YPEL2: variants seen among roughly 807,000 people sequenced by gnomAD.
YPEL2 encodes protein yippee-like 2.
A neutral mutation model predicts 19.1 loss-of-function variants in YPEL2; 2 were observed. That is an observed-to-expected ratio of 0.10 (90% CI 0.04 to 0.33). YPEL2 has a LOEUF of 0.33. Among genes scored for constraint, YPEL2 ranks in the 10% least tolerant of loss-of-function variants. YPEL2 has a pLI of 1.00. For synonymous variants in YPEL2, 52 were observed against 50.0 expected (o/e 1.04, Z -0.17); for missense variants, 66 against 140.7 (o/e 0.47, Z 2.68).
intron 4 of YPEL2, among the ~76,000 whole-genome samples, chr17:59,391,603 C>T (rs1313125685): frequency 1.3e-5 from 2 of 151,732 alleles, no homozygotes; most frequent in Non-Finnish European, 2.9e-5. Context: ...TTCAGGATTA[C>T]AAACAAAAAT....
rs1325622071 is a variant in YPEL2, at chr17:59,397,502, G to A, written c.*312G>A. On this transcript the variant is annotated 3_prime_UTR_variant, in exon 5 of 5. Transcript: ENST00000312655. ...CAGCCCACCTTGGTAAGGGCCCCAG[G>A]GCCCATGCGAGAGCTGCCTGATGGC... 2 of 207,632 alleles carry A rather than the reference G, an allele frequency of 9.6e-6. No homozygotes were observed. The highest frequency in any genetic ancestry group is 1.9e-5 in the Non-Finnish European group (2 of 104,452). The allele number at this position is 207,632 out of a possible 1,614,324, so 12.9% of individuals were successfully genotyped here. A position where few individuals can be genotyped will look rare whatever the true frequency, so the allele number is the denominator to read the frequency against.
At chr17:59,365,338 C>T (rs529076974) in intron 2 of YPEL2, among the ~76,000 whole-genome samples, 35 of 152,320 alleles carry the variant, frequency 2.3e-4, no homozygotes, top group African/African-American at 7.7e-4. Context: ...TCCACCACAG[C>T]TTTCTGGGGC....
chr17:59,334,162 T>C (rs1473100178), intron 1 of YPEL2, among the ~76,000 whole-genome samples: 1 of 151,894 alleles, frequency 6.6e-6, no homozygotes, highest in Middle Eastern at 3.4e-3. Flanking sequence ...TGTGTGGGGG[T>C]TGGAGATGTG....
At chr17:59,386,541 T>C (rs1450169608) in intron 2 of YPEL2, among the ~76,000 whole-genome samples, 2 of 152,098 alleles carry the variant, frequency 1.3e-5, no homozygotes, top group Admixed American at 1.3e-4. Flanking sequence ...AGGAATTGCC[T>C]GTGGTTTGGC....
chr17:59,333,319 C>T (rs753237543), intron 1 of YPEL2, among the ~76,000 whole-genome samples: 3 of 152,214 alleles, frequency 2.0e-5, no homozygotes, highest in Admixed American at 6.5e-5. Context: ...GCAGTGGGAG[C>T]CTCATCCGCT....
At position 59,401,362 on chromosome 17, in the gene YPEL2, G is replaced by A. The variant is rs1346305028; in HGVS notation, c.*4172G>A. On this transcript the variant is annotated 3_prime_UTR_variant, in exon 5 of 5. Transcript: ENST00000312655. ...CTGGCAGAAAAGGTAAAGCCTAGAAGAAACTATGAAAGCTATTCTCATGTT... is the reference window on the plus strand; with the variant it reads ...CTGGCAGAAAAGGTAAAGCCTAGAAAAAACTATGAAAGCTATTCTCATGTT... 2 of 152,596 alleles carry A rather than the reference G, an allele frequency of 1.3e-5. No homozygotes were observed. Among genetic ancestry groups the A allele is most frequent in the East Asian group, 3.8e-4 (2 of 5,196 alleles). 9.5% of individuals were successfully genotyped at this position (152,596 alleles called of 1,614,324 possible).
At chr17:59,332,395 G>T (rs1363206885) in intron 1 of YPEL2, among the ~76,000 whole-genome samples, 1 of 152,164 alleles carries the variant, frequency 6.6e-6, no homozygotes, top group Non-Finnish European at 1.5e-5. Flanking sequence ...AACCGCAGCC[G>T]AGTTCCTCCC....
intron 4 of YPEL2, among the ~76,000 whole-genome samples, chr17:59,390,426 G>A (rs1567760774): frequency 1.3e-5 from 2 of 152,296 alleles, no homozygotes; most frequent in East Asian, 3.9e-4. Context: ...ATAGGCGTGA[G>A]CCACACTGTT....
chr17:59,349,358 CT>C (rs58304283), intron 1 of YPEL2, among the ~76,000 whole-genome samples: 1,297 of 119,216 alleles, frequency 0.011, 13 homozygotes, highest in African/African-American at 0.036. Context: ...CCTTTTTTTT[CT>C]TTTTTTTTTT....
chr17:59,351,964 T>G (rs534548410), intron 1 of YPEL2, among the ~76,000 whole-genome samples: 1 of 152,092 alleles, frequency 6.6e-6, no homozygotes, highest in Admixed American at 6.5e-5. Flanking sequence ...AGTGACTGTT[T>G]TGGTGGGAAG....
intron 2 of YPEL2, among the ~76,000 whole-genome samples, chr17:59,380,512 T>G (rs1178496935): frequency 1.3e-5 from 2 of 152,098 alleles, no homozygotes; most frequent in African/African-American, 4.8e-5. Flanking sequence ...TCAAGTGATC[T>G]GCCCTCCTTG....
chr17:59,362,246 G>T (rs1311806848), intron 2 of YPEL2, among the ~76,000 whole-genome samples: 2 of 151,536 alleles, frequency 1.3e-5, no homozygotes, highest in South Asian at 2.1e-4. Flanking sequence ...GCTTGGCAAA[G>T]AAATAGAAGC....
intron 1 of YPEL2, among the ~76,000 whole-genome samples, chr17:59,344,358 G>C (rs1186967075): frequency 6.6e-6 from 1 of 152,196 alleles, no homozygotes; most frequent in Non-Finnish European, 1.5e-5. Flanking sequence ...GGAGATTGAG[G>C]CTCAAACAGA....
At chr17:59,367,618 G>A (rs1427611258) in intron 2 of YPEL2, among the ~76,000 whole-genome samples, 1 of 152,204 alleles carries the variant, frequency 6.6e-6, no homozygotes, top group Non-Finnish European at 1.5e-5. Context: ...TGTGAAATGG[G>A]TGTTGGAGAA....
chr17:59,367,648 A>G (rs1285804254), intron 2 of YPEL2, among the ~76,000 whole-genome samples: 1 of 152,228 alleles, frequency 6.6e-6, no homozygotes, highest in Non-Finnish European at 1.5e-5. Context: ...TGTGATTTCA[A>G]GAGGAATCTC....
chr17:59,395,703 G>A (rs1386182060), intron 4 of YPEL2, among the ~76,000 whole-genome samples: 5 of 152,098 alleles, frequency 3.3e-5, no homozygotes, highest in Admixed American at 3.3e-4. Flanking sequence ...AAGAAAAACC[G>A]ATTGAGAAGG....
chr17:59,396,665 A>C (rs2048040856), intron 4 of YPEL2, among the ~76,000 whole-genome samples: 1 of 152,222 alleles, frequency 6.6e-6, no homozygotes, highest in Non-Finnish European at 1.5e-5. Flanking sequence ...TCGCTGAGTC[A>C]AGGTGAAGCT....
intron 1 of YPEL2, among the ~76,000 whole-genome samples, chr17:59,338,836 C>T (rs531820082): frequency 6.6e-6 from 1 of 152,276 alleles, no homozygotes; most frequent in African/African-American, 2.4e-5. Flanking sequence ...CATCGTCCTG[C>T]TAAAGGCCTA....
intron 1 of YPEL2, among the ~76,000 whole-genome samples, chr17:59,335,850 C>T (rs905595168): frequency 3.3e-5 from 5 of 152,290 alleles, no homozygotes; most frequent in South Asian, 2.1e-4. Context: ...GTGCCTGGCT[C>T]TTTCTCCAAA....
Sources: gnomAD v4.1 joint callset for allele counts (sites outside exome capture counted in the v4.1 genomes callset) on GRCh38, gnomAD v4.1.1 for gene constraint, MANE v1.5 for transcripts, NCBI Gene and HGNC (gene_info 2026-07-23, HGNC 2026-07-21) for gene names.